KLC1: variants seen among roughly 807,000 people sequenced by gnomAD.
The protein encoded by KLC1 is kinesin 2 60/70kDa.
Under a neutral mutation model 84.2 loss-of-function variants are expected in KLC1, and 30 were observed. The ratio of observed to expected loss-of-function variants is 0.36; its 90% confidence interval spans 0.27 to 0.48. The LOEUF (loss-of-function observed/expected upper bound fraction) is 0.48, where lower values mean the gene tolerates loss of function less well. Among genes scored for constraint, KLC1 ranks in the 20% least tolerant of loss-of-function variants. The pLI, the probability that KLC1 is intolerant of heterozygous loss-of-function variation, is 0.99. For missense variants in KLC1, 499 were observed against 805.4 expected (o/e 0.62, Z 4.60); for synonymous variants, 289 against 293.3 (o/e 0.99, Z 0.15).
At chr14:103,653,508 GAC>G (rs1353711854) in intron 1 of KLC1, among the ~76,000 whole-genome samples, 1 of 152,164 alleles carries the variant, frequency 6.6e-6, no homozygotes, top group African/African-American at 2.4e-5. Context: ...TTTTAGTTGA[GAC>G]AGGGTTTCGC....
chr14:103,665,908 A>G (rs1246134517), intron 5 of KLC1, among the ~76,000 whole-genome samples: 1 of 144,234 alleles, frequency 6.9e-6, no homozygotes, highest in Non-Finnish European at 1.5e-5. Context: ...GTGGAGATAG[A>G]GTATGCATTG....
At chr14:103,666,344 T>C (rs529458245) in intron 5 of KLC1, among the ~76,000 whole-genome samples, 3 of 152,220 alleles carry the variant, frequency 2.0e-5, no homozygotes, top group South Asian at 4.2e-4. Context: ...ATTACAGGCA[T>C]GAGCCACCGT....
intron 1 of KLC1, among the ~76,000 whole-genome samples, chr14:103,635,732 G>A (rs138516757): frequency 0.053 from 8,054 of 151,794 alleles, 243 homozygotes; most frequent in South Asian, 0.092. Flanking sequence ...CAGCCTGGGC[G>A]ACAGAGTGAG....
intron 4 of KLC1, 24 bp from the exon 5 acceptor site, chr14:103,662,678 C>G (rs763212284): frequency 6.6e-7 from 1 of 1,517,816 alleles, no homozygotes; most frequent in South Asian, 1.2e-5. Context: ...AAAAACCCAT[C>G]TGAAGTGAAC....
rs761987974 is a variant in KLC1 at position 103,662,729 on chromosome 14, C to A, written c.599C>A (p.Ala200Glu). The A allele has an allele frequency of 6.2e-7, 1 of 1,603,612 alleles. No homozygotes were observed. The highest frequency in any genetic ancestry group is 1.3e-5 in the African/African-American group (1 of 74,134). ...GIQQQHSSAA[A>E]AAQQGGYEIP... ...CAGCAGCAGCACAGCAGTGCAGCCG[C>A]GGCTGCCCAGCAGGGCGGCTACGAG... Residue 200 changes from alanine to glutamate, a missense_variant, in exon 5 of 17, where the codon GCG (alanine) becomes GAG (glutamate). By Grantham distance (107) the Ala-to-Glu change is moderately radical (BLOSUM62 -1). This residue lies in a region of KLC1 where 179 missense variants were observed against 264.2 expected (regional missense o/e 0.68). Transcript: ENST00000334553.
chr14:103,644,951 CT>C (rs1273925280), intron 1 of KLC1, among the ~76,000 whole-genome samples: 1 of 151,098 alleles, frequency 6.6e-6, no homozygotes, highest in Non-Finnish European at 1.5e-5. Flanking sequence ...CTATTCTGTT[CT>C]TTTCCTTTTC....
chr14:103,636,554 G>A (rs1455190027), intron 1 of KLC1, among the ~76,000 whole-genome samples: 1 of 151,814 alleles, frequency 6.6e-6, no homozygotes, highest in African/African-American at 2.4e-5. Context: ...ATTCTAGCGG[G>A]GTATAGTGGC....
intron 15 of KLC1, among the ~76,000 whole-genome samples, chr14:103,692,767 TCTA>T (rs779308081): frequency 4.6e-5 from 7 of 152,248 alleles, no homozygotes; most frequent in African/African-American, 7.2e-5. Context: ...GATTTTAGCC[TCTA>T]CTAAGTTTAT....
rs985419858 is a variant in KLC1 at position 103,695,531 on chromosome 14, G to A, written c.1848+3106G>A. ...GGGCTCCGGAGCTTCCCTTGTGGTG[G>A]GGGTGCCTTCTCCCTGTGAGGATGC... On this transcript the variant is annotated intron_variant, in intron 15 of 16. Transcript: ENST00000334553. 1.1e-5 allele frequency: 11 copies of A among 985,240 alleles called. No homozygotes were observed. In the Admixed American group the frequency reaches 6.2e-4, roughly 55 times the overall value. 61.0% of individuals were successfully genotyped at this position (985,240 alleles called of 1,614,324 possible). A position where few individuals can be genotyped will look rare whatever the true frequency, so the allele number is the denominator to read the frequency against.
chr14:103,682,186 C>T (rs375409007), intron 13 of KLC1, among the ~76,000 whole-genome samples: 14 of 151,850 alleles, frequency 9.2e-5, no homozygotes, highest in African/African-American at 2.9e-4. Flanking sequence ...CTGGCCAACA[C>T]GGTGAAACCC....
Position 103,699,950 on chromosome 14 carries a change from G to T in KLC1, c.1849-705G>T, listed in dbSNP as rs930940333. 26 of 337,902 alleles carry T rather than the reference G, an allele frequency of 7.7e-5. 1 individual carries two copies. The highest frequency in any genetic ancestry group is 6.6e-4 in the South Asian group (26 of 39,268). The allele number at this position is 337,902 out of a possible 1,614,324, so 20.9% of individuals were successfully genotyped here. Reference sequence around the variant, plus strand: ...TTCACCCTCTCCCCCTCACAGGTCAGCAGCAACCAGCCCCCTCCTTCAGTG... The same window carrying T: ...TTCACCCTCTCCCCCTCACAGGTCATCAGCAACCAGCCCCCTCCTTCAGTG... On this transcript the variant is annotated intron_variant, in intron 15 of 16. Coordinates refer to ENST00000334553, the MANE Select transcript of KLC1 (RefSeq NM_001394837.1).
At chr14:103,690,471 G>C (rs1399883456) in intron 14 of KLC1, among the ~76,000 whole-genome samples, 1 of 152,218 alleles carries the variant, frequency 6.6e-6, no homozygotes, top group African/African-American at 2.4e-5. Flanking sequence ...CCATGTGCCA[G>C]GCGCTGTGCT....
At chr14:103,640,919 T>A (rs997062833) in intron 1 of KLC1, among the ~76,000 whole-genome samples, 2 of 151,958 alleles carry the variant, frequency 1.3e-5, no homozygotes, top group Non-Finnish European at 2.9e-5. Flanking sequence ...CTTACTATTA[T>A]TATTACTATT....
intron 3 of KLC1, among the ~76,000 whole-genome samples, chr14:103,658,833 A>G (rs2079039989): frequency 1.4e-5 from 2 of 146,122 alleles, no homozygotes; most frequent in Non-Finnish European, 3.0e-5. Flanking sequence ...AATTTTTTGT[A>G]TTTTTAGTAG....
chr14:103,662,711 A>C lies in KLC1; in HGVS notation c.581A>C (p.Gln194Pro), dbSNP rs748070976. 3 of 1,586,236 alleles carry C rather than the reference A, an allele frequency of 1.9e-6. No homozygotes were observed. The highest frequency in any genetic ancestry group is 2.6e-6 in the Non-Finnish European group (3 of 1,166,646). Reference protein sequence around the residue: ...EDDPGQGIQQQHSSAAAAAQQ... With the variant: ...EDDPGQGIQQPHSSAAAAAQQ... ...AACTTTCTCGGTGCAGTCCAGCAGC[A>C]GCACAGCAGTGCAGCCGCGGCTGCC... The change falls in exon 5 of 17, where the codon CAG becomes CCG. Residue 194 changes from glutamine (Q) to proline (P), a missense_variant. Gln to Pro is a moderately conservative substitution (Grantham distance 76, BLOSUM62 -1). Around this residue, in one of 3 missense-constraint regions of KLC1, gnomAD observed 179 missense variants for 264.2 expected, o/e 0.68. Transcript: ENST00000334553.
At chr14:103,654,138 C>T (rs1236216240) in intron 1 of KLC1, among the ~76,000 whole-genome samples, 1 of 152,204 alleles carries the variant, frequency 6.6e-6, no homozygotes, top group Admixed American at 6.5e-5. Context: ...TTTCTTTCTT[C>T]TTCCAGCTGT....
At chr14:103,655,914 C>A (rs1406245220) in intron 2 of KLC1, among the ~76,000 whole-genome samples, 2 of 152,112 alleles carry the variant, frequency 1.3e-5, no homozygotes, top group African/African-American at 4.8e-5. Context: ...GATTTGGCTG[C>A]CAGTATCAAA....
Position 103,655,078 on chromosome 14 carries a change from T to G in KLC1, c.261+253T>G, listed in dbSNP as rs535240839. 3.6e-4 allele frequency among the ~76,000 whole-genome samples: 54 copies of G among 151,918 alleles called. 1 individual carries two copies. Among genetic ancestry groups the G allele is most frequent in the Admixed American group, 3.3e-4 (5 of 15,270 alleles). On this transcript the variant is annotated intron_variant, in intron 2 of 16. Transcript: ENST00000334553. ...CCTGACTCTACTAAAAATACAAAAA[T>G]TAGCCGGGCCTGGTGGCTGGCGTGT...
At chr14:103,679,288 G>GTTT (rs369024927) in intron 12 of KLC1, 96 bp from the exon 13 acceptor site, 1,077 of 1,103,418 alleles carry the variant, frequency 9.8e-4, no homozygotes, top group South Asian at 3.0e-3. Flanking sequence ...ATTAAGAACT[G>GTTT]TTTTTTTTTT....
Sources: gnomAD v4.1 joint callset for allele counts (sites outside exome capture counted in the v4.1 genomes callset) on GRCh38, gnomAD v4.1.1 for gene constraint, gnomAD v4.1.1 regional missense constraint, MANE v1.5 for transcripts, NCBI Gene and HGNC (gene_info 2026-07-23, HGNC 2026-07-21) for gene names.